Variants in PTCD2 observed in about 807,000 individuals in gnomAD.
PTCD2 encodes the protein pentatricopeptide repeat-containing protein 2, mitochondrial.
A neutral mutation model predicts 42.6 loss-of-function variants in PTCD2; 31 were observed. The ratio of observed to expected loss-of-function variants is 0.73; its 90% confidence interval spans 0.55 to 0.98. The LOEUF (loss-of-function observed/expected upper bound fraction) is 0.98. Among genes scored for constraint, PTCD2 ranks in the 50% least tolerant of loss-of-function variants. PTCD2 has a pLI of 0.00. For synonymous variants in PTCD2, 183 were observed against 170.9 expected (o/e 1.07, Z -0.55); for missense variants, 476 against 454.8 (o/e 1.05, Z -0.42).
At chr5:72,324,193 G>C (rs1214452073) in intron 2 of PTCD2, among the ~76,000 whole-genome samples, 2 of 152,148 alleles carry the variant, frequency 1.3e-5, no homozygotes, top group Non-Finnish European at 2.9e-5. Context: ...GTGATTTCCA[G>C]TTGTCATAGT....
intron 2 of PTCD2, among the ~76,000 whole-genome samples, chr5:72,326,380 G>C (rs555895517): frequency 1.6e-4 from 24 of 152,302 alleles, no homozygotes; most frequent in African/African-American, 5.5e-4. Context: ...TTATTTTAGA[G>C]AGTCTTGAGT....
Position 72,326,704 on chromosome 5 carries a change from C to T in PTCD2, c.313C>T (p.Arg105Trp), listed in dbSNP as rs200238854. Residue 105 changes from arginine (R) to tryptophan (W), a missense_variant, in exon 3 of 10, where the codon CGG becomes TGG. Arg to Trp is a moderately radical substitution (Grantham distance 101). Transcript: ENST00000380639. ...LITLLHLCES[R>W]DHVELAKNVI... ...AACCTTACTACATTTGTGTGAGTCT[C>T]GGGACCATGTGGAACTGGCTAAAAA... is the stretch of plus-strand genomic sequence containing the variant. 568 of 1,614,146 alleles carry T rather than the reference C, an allele frequency of 3.5e-4. 1 individual carries two copies. Among genetic ancestry groups the T allele is most frequent in the Admixed American group, 4.5e-4 (27 of 60,030 alleles).
At chr5:72,329,204 A>G (rs1043205444) in intron 3 of PTCD2, among the ~76,000 whole-genome samples, 2 of 152,174 alleles carry the variant, frequency 1.3e-5, no homozygotes, top group East Asian at 3.8e-4. Context: ...ATAAATCTCT[A>G]CCCAGTTGCT....
At chr5:72,355,979 A>C (rs1256887277) in intron 9 of PTCD2, among the ~76,000 whole-genome samples, 1 of 152,052 alleles carries the variant, frequency 6.6e-6, no homozygotes, top group Non-Finnish European at 1.5e-5. Flanking sequence ...CCTCACTTCC[A>C]CCCAAAGGCT....
intron 1 of PTCD2, 127 bp downstream of exon 1, chr5:72,320,636 G>A (rs777187674): frequency 1.1e-5 from 15 of 1,369,988 alleles, no homozygotes; most frequent in East Asian, 2.4e-5. Flanking sequence ...GCGCACCCTC[G>A]CCCTCTAGTT....
intron 8 of PTCD2, among the ~76,000 whole-genome samples, chr5:72,348,565 T>C (rs796212406): frequency 3.3e-5 from 5 of 152,356 alleles, no homozygotes; most frequent in African/African-American, 9.6e-5. Context: ...AAAACACATG[T>C]ATGTTGACTC....
intron 4 of PTCD2, among the ~76,000 whole-genome samples, chr5:72,334,632 G>A (rs894574436): frequency 1.3e-5 from 2 of 151,792 alleles, no homozygotes; most frequent in African/African-American, 4.8e-5. Flanking sequence ...GCTTACTGCA[G>A]CCTCCACCTC....
rs991458247 is a variant in PTCD2 at position 72,366,499 on chromosome 5, C to T, written c.*8072C>T. ...GCTGTGTGCATGTATTCTCAATAAT[C>T]CCTGGCCAACTTCCTGCTTTGCTGT... On this transcript the variant is annotated 3_prime_UTR_variant, in exon 10 of 10. Coordinates refer to ENST00000380639, the MANE Select transcript of PTCD2 (RefSeq NM_024754.5). 1 of 152,166 alleles carries T rather than the reference C, an allele frequency of 6.6e-6. No individual in the cohort carries two copies. Among genetic ancestry groups the T allele is most frequent in the African/African-American group, 2.4e-5 (1 of 41,432 alleles). The allele number at this position is 152,166 out of a possible 1,614,324, so 9.4% of individuals were successfully genotyped here. A position where few individuals can be genotyped will look rare whatever the true frequency, so the allele number is the denominator to read the frequency against.
rs1447097787 is a variant in PTCD2 at position 72,361,962 on chromosome 5, C to G, written c.*3535C>G. On this transcript the variant is annotated 3_prime_UTR_variant, in exon 10 of 10. Coordinates refer to ENST00000380639, the MANE Select transcript of PTCD2 (RefSeq NM_024754.5). ...GTGCTTATCATATGCCTGTCACTGT[C>G]TGTTTTCTTCACTAGACTCAGGTGC... 1.3e-5 allele frequency: 2 copies of G among 152,368 alleles called. No individual in the cohort carries two copies. Among genetic ancestry groups the G allele is most frequent in the Non-Finnish European group, 2.9e-5 (2 of 68,154 alleles). The allele number at this position is 152,368 out of a possible 1,614,324, so 9.4% of individuals were successfully genotyped here. A position where few individuals can be genotyped will look rare whatever the true frequency, so the allele number is the denominator to read the frequency against.
chr5:72,357,657 A>T (rs57605775), intron 9 of PTCD2, among the ~76,000 whole-genome samples: 2,041 of 152,238 alleles, frequency 0.013, 45 homozygotes, highest in African/African-American at 0.047. Context: ...TTCCACTGGT[A>T]TATGACCTCC....
In PTCD2 at chr5:72,341,180, A is replaced by G. The variant is rs143386767; in HGVS notation, c.754-1782A>G. ...TAAATTTTTGTATTTTAGTAGAGAC[A>G]GGGTTTCACCATGTTGGCCATGCCC... On this transcript the variant is annotated intron_variant, in intron 7 of 9. Coordinates refer to ENST00000380639, the MANE Select transcript of PTCD2 (RefSeq NM_024754.5). Among the ~76,000 whole-genome samples, 1,381 of 151,992 alleles carry G rather than the reference A, an allele frequency of 9.1e-3. 35 individuals carry two copies. Among genetic ancestry groups the G allele is most frequent in the African/African-American group, 0.032 (1,325 of 41,484 alleles).
chr5:72,346,590 A>T (rs1752370898), intron 8 of PTCD2, among the ~76,000 whole-genome samples: 1 of 152,226 alleles, frequency 6.6e-6, no homozygotes, highest in Admixed American at 6.5e-5. Flanking sequence ...AGGTTGGCAA[A>T]GGTCCAGAGT....
chr5:72,335,821 A>G lies in PTCD2; in HGVS notation c.575A>G (p.Lys192Arg). 6.2e-7 allele frequency: 1 copy of G among 1,613,970 alleles called. No individual in the cohort carries two copies. The highest frequency in any genetic ancestry group is 8.5e-7 in the Non-Finnish European group (1 of 1,179,818). ...GCTTTGCAAGTATTGATAGAGATGA[A>G]AAACCAAGATGTGAAGTTCACCAAA... ...KSALQVLIEM[K>R]NQDVKFTKDT... The change falls in exon 6 of 10, where the codon AAA becomes AGA. Residue 192 changes from lysine (K) to arginine (R), a missense_variant. By Grantham distance (26) the Lys-to-Arg change is conservative. Transcript: ENST00000380639.
At chr5:72,346,261 C>G (rs921652310) in intron 8 of PTCD2, among the ~76,000 whole-genome samples, 1 of 152,116 alleles carries the variant, frequency 6.6e-6, no homozygotes, top group Non-Finnish European at 1.5e-5. Flanking sequence ...TTTCAAAGGG[C>G]ATAAACTTGG....
chr5:72,356,823 T>C (rs188072004), intron 9 of PTCD2, among the ~76,000 whole-genome samples: 1 of 152,338 alleles, frequency 6.6e-6, no homozygotes, highest in East Asian at 1.9e-4. Context: ...TCTGCAGGCA[T>C]GGTTGGGAGC....
intron 9 of PTCD2, among the ~76,000 whole-genome samples, chr5:72,357,170 G>A (rs1752916539): frequency 1.3e-5 from 2 of 152,056 alleles, no homozygotes; most frequent in South Asian, 4.1e-4. Context: ...ATGGTTCACA[G>A]CCGTCTCAAT....
chr5:72,335,900 TCTTAA>T lies in PTCD2; in HGVS notation c.639+19_639+23del, dbSNP rs1751714368. 1 of 1,527,734 alleles carries T rather than the reference TCTTAA, an allele frequency of 6.5e-7. No individual in the cohort carries two copies. Among genetic ancestry groups the T allele is most frequent in the African/African-American group, 1.4e-5 (1 of 73,244 alleles). 94.6% of individuals were successfully genotyped at this position (1,527,734 alleles called of 1,614,324 possible). On this transcript the variant is annotated intron_variant, in intron 6 of 9. Transcript: ENST00000380639. ...GCTACAAACTGGTAAGACTCTTTCC[TCTTAA>T]CTTTGAGAGCATTGTGTGTAGTCTT...
chr5:72,355,680 G>A (rs931902188), intron 9 of PTCD2, among the ~76,000 whole-genome samples: 8 of 152,180 alleles, frequency 5.3e-5, no homozygotes, highest in African/African-American at 1.9e-4. Flanking sequence ...GGTCATTTGA[G>A]ATGTAGTAAT....
At chr5:72,322,331 A>G (rs774517777) in intron 2 of PTCD2, 67 bp downstream of exon 2, 55 of 955,748 alleles carry the variant, frequency 5.8e-5, no homozygotes, top group Non-Finnish European at 8.7e-5. Context: ...CTTTATCCCT[A>G]TTCAGTGTCT....
Sources: gnomAD v4.1 joint callset for allele counts (sites outside exome capture counted in the v4.1 genomes callset) on GRCh38, gnomAD v4.1.1 for gene constraint, MANE v1.5 for transcripts, NCBI Gene and HGNC (gene_info 2026-07-23, HGNC 2026-07-21) for gene names.